Variants in NEGR1 observed in about 807,000 individuals in gnomAD.
The protein encoded by NEGR1 is neuronal growth regulator 1, also known as IgLON family member 4.
NEGR1 carries 10 observed loss-of-function variants against 40.9 expected under a neutral mutation model. That is an observed-to-expected ratio of 0.24 (90% CI 0.15 to 0.42). The LOEUF (loss-of-function observed/expected upper bound fraction) is 0.42, where lower values mean the gene tolerates loss of function less well. Ranked by LOEUF, NEGR1 falls within the 10% of genes least tolerant of loss-of-function variation. The probability of loss-of-function intolerance (pLI) is 1.00; values close to 1 mark genes in which losing one functional copy is unlikely to be tolerated. For missense variants in NEGR1, 352 were observed against 438.9 expected (o/e 0.80, Z 1.77); for synonymous variants, 185 against 166.8 (o/e 1.11, Z -0.84).
intron 1 of NEGR1, among the ~76,000 whole-genome samples, chr1:71,974,942 C>T (rs917394814): frequency 1.3e-5 from 2 of 152,112 alleles, no homozygotes; most frequent in Non-Finnish European, 2.9e-5. Flanking sequence ...GTTAATATTT[C>T]CTACACTAAT....
intron 2 of NEGR1, among the ~76,000 whole-genome samples, chr1:71,930,665 T>C (rs1645847066): frequency 6.6e-6 from 1 of 152,214 alleles, no homozygotes; most frequent in African/African-American, 2.4e-5. Flanking sequence ...GCAAGAGATA[T>C]GGATCTGATG....
intron 1 of NEGR1, among the ~76,000 whole-genome samples, chr1:72,265,231 T>C (rs751480349): frequency 6.6e-5 from 10 of 150,998 alleles, no homozygotes; most frequent in Non-Finnish European, 1.5e-4. Flanking sequence ...CCAACCTATC[T>C]GATGATGCCA....
intron 6 of NEGR1, among the ~76,000 whole-genome samples, chr1:71,481,810 A>G (rs371986648): frequency 4.0e-5 from 6 of 151,816 alleles, no homozygotes; most frequent in Admixed American, 1.3e-4. Flanking sequence ...CTTTATTTCT[A>G]TTGTTTGCCT....
At chr1:71,776,429 T>C (rs1276039129) in intron 2 of NEGR1, 132 bp from the exon 3 acceptor site, 1 of 411,822 alleles carries the variant, frequency 2.4e-6, no homozygotes. Context: ...GGGCCTCACC[T>C]GAAAGATGGA....
chr1:72,167,939 A>G (rs2100388170), intron 1 of NEGR1, among the ~76,000 whole-genome samples: 2 of 152,050 alleles, frequency 1.3e-5, no homozygotes, highest in Non-Finnish European at 2.9e-5. Flanking sequence ...AAAATTTTAC[A>G]AAAAGTCTGT....
intron 4 of NEGR1, among the ~76,000 whole-genome samples, chr1:71,684,409 A>G (rs772009214): frequency 6.6e-6 from 1 of 152,152 alleles, no homozygotes; most frequent in Non-Finnish European, 1.5e-5. Flanking sequence ...ATTTGTATAT[A>G]TTTTTAACGT....
intron 1 of NEGR1, among the ~76,000 whole-genome samples, chr1:72,022,017 C>T (rs2100421855): frequency 6.6e-6 from 1 of 151,996 alleles, no homozygotes; most frequent in East Asian, 1.9e-4. Context: ...CGCCTGTAGT[C>T]CCAGCTACTT....
chr1:71,573,909 C>T lies in NEGR1; in HGVS notation c.940+18908G>A, dbSNP rs140374220. ...GGAGTGTGGCCCTTTAAAGGATACA[C>T]CTACCATTTTTATCTCTATATATCT... On this transcript the variant is annotated intron_variant, in intron 6 of 6. Transcript: ENST00000357731. Among the ~76,000 whole-genome samples, 26 of 152,252 alleles carry T rather than the reference C, an allele frequency of 1.7e-4. No homozygotes were observed. In the East Asian group the frequency reaches 4.6e-3, roughly 27 times the overall value.
intron 4 of NEGR1, among the ~76,000 whole-genome samples, chr1:71,689,795 C>T (rs1653189649): frequency 6.7e-6 from 1 of 150,310 alleles, no homozygotes. Flanking sequence ...AATAAATTAA[C>T]ATTAAATAAA....
chr1:72,076,518 C>T (rs1241340503), intron 1 of NEGR1, among the ~76,000 whole-genome samples: 2 of 147,232 alleles, frequency 1.4e-5, no homozygotes, highest in Admixed American at 6.8e-5. Context: ...CCCACCCCCC[C>T]TGCCTCACCA....
At chr1:72,135,839 TAG>T (rs1650442557) in intron 1 of NEGR1, among the ~76,000 whole-genome samples, 1 of 152,178 alleles carries the variant, frequency 6.6e-6, no homozygotes, top group Non-Finnish European at 1.5e-5. Context: ...CTACATGCAA[TAG>T]AGTGACTACT....
chr1:71,769,472 T>C (rs1412774218), intron 3 of NEGR1, among the ~76,000 whole-genome samples: 2 of 152,274 alleles, frequency 1.3e-5, no homozygotes, highest in South Asian at 2.1e-4. Flanking sequence ...ATAATCCCCA[T>C]GTGTTGTTGG....
At chr1:72,189,371 T>C (rs1419572007) in intron 1 of NEGR1, among the ~76,000 whole-genome samples, 4 of 151,460 alleles carry the variant, frequency 2.6e-5, no homozygotes, top group Admixed American at 6.6e-5. Context: ...TTATACTCTT[T>C]CCCACAAGAA....
At chr1:71,445,631 C>T (rs1050512270) in intron 6 of NEGR1, among the ~76,000 whole-genome samples, 4 of 152,234 alleles carry the variant, frequency 2.6e-5, no homozygotes, top group Admixed American at 2.0e-4. Flanking sequence ...ACTGCAGACA[C>T]CTGAGAGGAA....
intron 2 of NEGR1, among the ~76,000 whole-genome samples, chr1:71,803,785 T>C (rs1478809567): frequency 1.3e-5 from 2 of 152,212 alleles, no homozygotes; most frequent in African/African-American, 2.4e-5. Flanking sequence ...ATTACTTATA[T>C]GTTTTGTTTC....
intron 1 of NEGR1, among the ~76,000 whole-genome samples, chr1:72,084,789 A>G (rs1167823173): frequency 6.6e-6 from 1 of 152,216 alleles, no homozygotes; most frequent in Non-Finnish European, 1.5e-5. Flanking sequence ...CTCATGTTGG[A>G]TTATTTGAAT....
At chr1:71,462,173 A>C (rs1442557488) in intron 6 of NEGR1, among the ~76,000 whole-genome samples, 1 of 152,198 alleles carries the variant, frequency 6.6e-6, no homozygotes, top group Non-Finnish European at 1.5e-5. Flanking sequence ...CAATGATGGA[A>C]TCTAATGCAC....
Position 72,254,870 on chromosome 1 carries a change from A to AT in NEGR1, c.176+27448dup, listed in dbSNP as rs71781503. 1.1e-3 allele frequency among the ~76,000 whole-genome samples: 165 copies of AT among 151,552 alleles called. 1 individual carries two copies. The highest frequency in any genetic ancestry group is 3.2e-4 in the Non-Finnish European group (22 of 67,798). ...GTCTCTTTCATATTATTTATAGCTG[A>AT]TTTTTTTTCCAGAAACCTTACAGCT... On this transcript the variant is annotated intron_variant, in intron 1 of 6. Transcript: ENST00000357731.
At chr1:72,044,693 T>C (rs541974708) in intron 1 of NEGR1, among the ~76,000 whole-genome samples, 3 of 151,880 alleles carry the variant, frequency 2.0e-5, no homozygotes, top group Non-Finnish European at 4.4e-5. Context: ...TATAAGCAAA[T>C]GCCTAACATT....
Sources: allele counts gnomAD v4.1 joint callset (sites outside exome capture counted in the v4.1 genomes callset), GRCh38; gene constraint gnomAD v4.1.1; transcripts MANE v1.5; gene names NCBI Gene and HGNC (gene_info 2026-07-23, HGNC 2026-07-21).